The following SNUPN variants were observed in gnomAD, a reference collection of about 807,000 sequenced individuals.
SNUPN encodes the protein snurportin-1.
A neutral mutation model predicts 39.2 loss-of-function variants in SNUPN; 31 were observed. The observed-to-expected ratio is 0.79, with a 90% CI of 0.59 to 1.07. The LOEUF (loss-of-function observed/expected upper bound fraction) is 1.07. SNUPN is among the 50% of genes least tolerant of loss of function. The pLI is 0.00. For synonymous variants in SNUPN, 132 were observed against 159.0 expected (o/e 0.83, Z 1.28); for missense variants, 382 against 434.2 (o/e 0.88, Z 1.07).
intron 2 of SNUPN, among the ~76,000 whole-genome samples, chr15:75,618,377 G>A (rs1027399269): frequency 6.6e-6 from 1 of 152,018 alleles, no homozygotes; most frequent in African/African-American, 2.4e-5. Flanking sequence ...AGCTTATACA[G>A]CTTTCTCAGA....
At chr15:75,621,529 T>C (rs1372192764) in intron 1 of SNUPN, among the ~76,000 whole-genome samples, 1 of 152,174 alleles carries the variant, frequency 6.6e-6, no homozygotes, top group African/African-American at 2.4e-5. Flanking sequence ...CTCAAAGTGC[T>C]GGCATTATAG....
intron 3 of SNUPN, among the ~76,000 whole-genome samples, chr15:75,611,270 T>C (rs1892771020): frequency 6.6e-6 from 1 of 151,430 alleles, no homozygotes; most frequent in Non-Finnish European, 1.5e-5. Context: ...TTTTTTTTTT[T>C]GAGATGGAGT....
At chr15:75,623,513 C>T (rs561368039) in intron 1 of SNUPN, among the ~76,000 whole-genome samples, 5 of 148,428 alleles carry the variant, frequency 3.4e-5, no homozygotes, top group South Asian at 2.2e-4. Context: ...GGTGTGATCT[C>T]GGCTCACTGC....
intron 3 of SNUPN, among the ~76,000 whole-genome samples, chr15:75,614,087 C>A (rs553831594): frequency 3.9e-5 from 6 of 152,166 alleles, no homozygotes; most frequent in African/African-American, 1.2e-4. Flanking sequence ...GTCACAAGTT[C>A]GAGACCAGCC....
chr15:75,599,439 G>T (rs912664971), intron 8 of SNUPN, among the ~76,000 whole-genome samples: 1 of 152,218 alleles, frequency 6.6e-6, no homozygotes, highest in Admixed American at 6.5e-5. Context: ...TGCATGGAAT[G>T]AAAAGCAGAG....
At position 75,601,238 on chromosome 15, in the gene SNUPN, A is replaced by C. The variant is rs2075284083; in HGVS notation, c.679-20T>G. Reference sequence around the variant, plus strand: ...TTTAAACTGAAATAGAAATTAGAACAAGGAATTAGTACGTTATAAATGATA... The same window carrying C: ...TTTAAACTGAAATAGAAATTAGAACCAGGAATTAGTACGTTATAAATGATA... On this transcript the variant is annotated intron_variant, in intron 7 of 8. Transcript: ENST00000308588. 1 of 1,535,994 alleles carries C rather than the reference A, an allele frequency of 6.5e-7. No individual in the cohort carries two copies. Among genetic ancestry groups the C allele is most frequent in the South Asian group, 1.1e-5 (1 of 89,478 alleles).
rs1299018997 is a variant in SNUPN at position 75,616,233 on chromosome 15, G to C, written c.303+1175C>G. On this transcript the variant is annotated intron_variant, in intron 3 of 8. Transcript: ENST00000308588. Reference sequence around the variant, plus strand: ...GCACTTTGGGAGGCCGAGGGGGGTGGATCACCTGAGGTCGGGAGTTCGAGA... The same window carrying C: ...GCACTTTGGGAGGCCGAGGGGGGTGCATCACCTGAGGTCGGGAGTTCGAGA... Among the ~76,000 whole-genome samples the C allele has an allele frequency of 2.6e-5, 4 of 151,444 alleles. No homozygotes were observed. The South Asian group carries it at 6.3e-4, about 24-fold the overall frequency.
intron 7 of SNUPN, among the ~76,000 whole-genome samples, chr15:75,604,157 C>CTTTTTTTTT (rs34924144): frequency 8.7e-6 from 1 of 114,942 alleles, no homozygotes; most frequent in Non-Finnish European, 1.7e-5. Flanking sequence ...TTCCCTTTAA[C>CTTTTTTTTT]TTTTTTTTTT....
chr15:75,623,416 T>TG (rs1220682620), intron 1 of SNUPN, among the ~76,000 whole-genome samples: 1 of 151,450 alleles, frequency 6.6e-6, no homozygotes, highest in African/African-American at 2.4e-5. Flanking sequence ...CCCAAAGTGC[T>TG]GGGATTACAG....
chr15:75,614,228 T>A (rs920081396), intron 3 of SNUPN, among the ~76,000 whole-genome samples: 2 of 151,864 alleles, frequency 1.3e-5, no homozygotes, highest in African/African-American at 4.8e-5. Context: ...GAGATGGAGG[T>A]TGCAGTAAGC....
chr15:75,603,592 C>T (rs2075307828), intron 7 of SNUPN, among the ~76,000 whole-genome samples: 2 of 142,460 alleles, frequency 1.4e-5, no homozygotes, highest in South Asian at 4.5e-4. Context: ...ACCTGGGAGG[C>T]GGAGCTTGCA....
chr15:75,599,900 C>A (rs1005050466), intron 8 of SNUPN, among the ~76,000 whole-genome samples: 8 of 148,374 alleles, frequency 5.4e-5, no homozygotes, highest in African/African-American at 1.2e-4. Context: ...CAGTGGAGTG[C>A]GGTGGTGCGA....
At chr15:75,611,873 C>T (rs1344507129) in intron 3 of SNUPN, among the ~76,000 whole-genome samples, 1 of 151,928 alleles carries the variant, frequency 6.6e-6, no homozygotes, top group East Asian at 1.9e-4. Context: ...CTTTTTGTCA[C>T]TCAGCATTTC....
At chr15:75,601,669 G>A (rs1439288047) in intron 7 of SNUPN, among the ~76,000 whole-genome samples, 3 of 152,070 alleles carry the variant, frequency 2.0e-5, no homozygotes, top group Non-Finnish European at 2.9e-5. Context: ...GATCGCTTGA[G>A]CCTGAGGTCA....
chr15:75,603,118 G>A lies in SNUPN; in HGVS notation c.679-1900C>T, dbSNP rs898957416. Among the ~76,000 whole-genome samples the A allele has an allele frequency of 1.0e-4, 15 of 150,686 alleles. No homozygotes were observed. The East Asian group carries it at 2.2e-3, about 22-fold the overall frequency. On this transcript the variant is annotated intron_variant, in intron 7 of 8. Coordinates refer to ENST00000308588, the MANE Select transcript of SNUPN (RefSeq NM_005701.4). ...GGCTGGAGTGCAGTGGCACGATCTCGGCTAACTGCAAGCTCGGCCTCCTGG... is the reference window on the plus strand; with the variant it reads ...GGCTGGAGTGCAGTGGCACGATCTCAGCTAACTGCAAGCTCGGCCTCCTGG...
Position 75,617,567 on chromosome 15 carries a change from A to T in SNUPN, c.159-15T>A, listed in dbSNP as rs928795623. 1 of 1,601,768 alleles carries T rather than the reference A, an allele frequency of 6.2e-7. No individual in the cohort carries two copies. Among genetic ancestry groups the T allele is most frequent in the African/African-American group, 1.4e-5 (1 of 73,904 alleles). Reference sequence around the variant, plus strand: ...CCAGCCGCTTGCTGGAAGGAAAAAAAAGGCATAAGGACATATCTTTTCTTC... The same window carrying T: ...CCAGCCGCTTGCTGGAAGGAAAAAATAGGCATAAGGACATATCTTTTCTTC... On this transcript the variant is annotated splice_polypyrimidine_tract_variant and intron_variant, in intron 2 of 8. Transcript: ENST00000308588.
chr15:75,600,964 T>G (rs2141359727), intron 8 of SNUPN, 174 bp downstream of exon 8: 1 of 567,638 alleles, frequency 1.8e-6, no homozygotes, highest in Non-Finnish European at 3.3e-6. Context: ...TTATCCAGCA[T>G]GGGTGGAGCT....
At chr15:75,609,815 G>T in intron 4 of SNUPN, 75 bp downstream of exon 4, 3 of 1,285,936 alleles carry the variant, frequency 2.3e-6, no homozygotes, top group Middle Eastern at 1.8e-4. Flanking sequence ...TGTGGCGTAT[G>T]AGGAAAATGG....
At chr15:75,605,269 T>C in intron 6 of SNUPN, 42 bp from the exon 7 acceptor site, 1 of 1,420,332 alleles carries the variant, frequency 7.0e-7, no homozygotes. Flanking sequence ...ATACTTTCCA[T>C]TTCAAACTCT....
Sources: gnomAD v4.1 joint callset for allele counts (sites outside exome capture counted in the v4.1 genomes callset) on GRCh38, gnomAD v4.1.1 for gene constraint, MANE v1.5 for transcripts, NCBI Gene and HGNC (gene_info 2026-07-23, HGNC 2026-07-21) for gene names.